Variants in PCED1B observed in about 807,000 individuals in gnomAD.
PCED1B encodes the protein PC-esterase domain containing 1B.
For synonymous variants in PCED1B, 251 were observed against 246.1 expected (o/e 1.02, Z -0.19); for missense variants, 573 against 573.9 (o/e 1.00, Z 0.02).
intron 1 of PCED1B, among the ~76,000 whole-genome samples, chr12:47,083,096 A>T (rs1937820391): frequency 6.6e-6 from 1 of 151,416 alleles, no homozygotes; most frequent in African/African-American, 2.4e-5. Context: ...AAATCACAGG[A>T]GTTCTAGCCC....
At chr12:47,146,519 C>T (rs1418054446) in intron 2 of PCED1B, among the ~76,000 whole-genome samples, 1 of 152,098 alleles carries the variant, frequency 6.6e-6, no homozygotes, top group African/African-American at 2.4e-5. Context: ...TCATTTTTGT[C>T]TTATTTTAAG....
At position 47,189,757 on chromosome 12, in the gene PCED1B, G is replaced by T. The variant is rs187888965; in HGVS notation, c.-525-26465G>T. On this transcript the variant is annotated intron_variant, in intron 2 of 3. Transcript: ENST00000546455. ...AACAATTAATAAACATGGACTAGGA[G>T]CCAAACTCTTGAAGCACAACTTTCG... Among the ~76,000 whole-genome samples the T allele has an allele frequency of 1.1e-4, 16 of 152,300 alleles. No homozygotes were observed. The East Asian group carries it at 2.1e-3, about 20-fold the overall frequency.
chr12:47,233,182 C>T (rs1364949629), intron 3 of PCED1B, among the ~76,000 whole-genome samples: 1 of 152,222 alleles, frequency 6.6e-6, no homozygotes, highest in Non-Finnish European at 1.5e-5. Flanking sequence ...GCTGGGTTTG[C>T]AGGCGTGAGC....
At chr12:47,206,530 G>A (rs1942916073) in intron 2 of PCED1B, 1 of 152,218 alleles carries the variant, frequency 6.6e-6, no homozygotes, top group African/African-American at 2.4e-5. Flanking sequence ...GTCAATGATT[G>A]GCACCAGGCT....
intron 2 of PCED1B, among the ~76,000 whole-genome samples, chr12:47,188,175 G>A (rs912532895): frequency 1.4e-4 from 22 of 152,132 alleles, no homozygotes; most frequent in African/African-American, 5.3e-4. Context: ...TGGGGACAGT[G>A]ATCTTGCCTT....
intron 2 of PCED1B, among the ~76,000 whole-genome samples, chr12:47,202,594 TAAAAAAAA>T (rs60769675): frequency 4.3e-4 from 29 of 66,680 alleles, no homozygotes; most frequent in South Asian, 3.8e-3. Context: ...TAGACATTAG[TAAAAAAAA>T]AAAAAAAAAA....
chr12:47,211,362 A>C (rs964856002), intron 2 of PCED1B, among the ~76,000 whole-genome samples: 4 of 152,122 alleles, frequency 2.6e-5, no homozygotes, highest in African/African-American at 9.7e-5. Flanking sequence ...TTGACAAAAC[A>C]ACCTTATGGC....
intron 3 of PCED1B, among the ~76,000 whole-genome samples, chr12:47,226,160 A>G (rs1336709250): frequency 6.6e-6 from 1 of 152,214 alleles, no homozygotes; most frequent in African/African-American, 2.4e-5. Context: ...AAAACATGGA[A>G]CTACTTATAA....
chr12:47,106,326 C>G (rs1938944937), intron 2 of PCED1B, among the ~76,000 whole-genome samples: 1 of 152,034 alleles, frequency 6.6e-6, no homozygotes, highest in Non-Finnish European at 1.5e-5. Context: ...TCACATTTCC[C>G]TTTACTGCAT....
chr12:47,130,161 AT>A (rs1469997172), intron 2 of PCED1B, among the ~76,000 whole-genome samples: 1 of 152,160 alleles, frequency 6.6e-6, no homozygotes, highest in East Asian at 1.9e-4. Context: ...TGTTTGGCTA[AT>A]TTTTTTAAGT....
At chr12:47,123,488 T>A (rs1202350012) in intron 2 of PCED1B, among the ~76,000 whole-genome samples, 3 of 152,102 alleles carry the variant, frequency 2.0e-5, no homozygotes, top group Admixed American at 6.5e-5. Flanking sequence ...TTTAAAAATT[T>A]GATATATGGT....
chr12:47,088,457 C>G (rs991677030), intron 1 of PCED1B, among the ~76,000 whole-genome samples: 1 of 152,154 alleles, frequency 6.6e-6, no homozygotes, highest in African/African-American at 2.4e-5. Context: ...CTCAAAACCC[C>G]TGGGGACTCG....
At chr12:47,117,869 G>C in intron 2 of PCED1B, among the ~76,000 whole-genome samples, 1 of 152,124 alleles carries the variant, frequency 6.6e-6, no homozygotes, top group Non-Finnish European at 1.5e-5. Flanking sequence ...GTTGTTTCCT[G>C]ACTTTTTAAT....
chr12:47,148,559 C>A (rs1262219279), intron 2 of PCED1B, among the ~76,000 whole-genome samples: 3 of 152,292 alleles, frequency 2.0e-5, no homozygotes, highest in Admixed American at 1.3e-4. Context: ...AACTCCCAGT[C>A]TTAATGGGGG....
chr12:47,131,521 G>T (rs925942671), intron 2 of PCED1B, among the ~76,000 whole-genome samples: 2 of 152,138 alleles, frequency 1.3e-5, no homozygotes, highest in Non-Finnish European at 2.9e-5. Flanking sequence ...AATTGTTCCA[G>T]ATAATTCTCA....
intron 3 of PCED1B, among the ~76,000 whole-genome samples, chr12:47,218,735 G>C (rs1943381726): frequency 6.7e-6 from 1 of 149,242 alleles, no homozygotes; most frequent in Non-Finnish European, 1.5e-5. Context: ...TGAACTCCTG[G>C]TCTCAAGCAA....
At chr12:47,108,089 C>A (rs1451475520) in intron 2 of PCED1B, among the ~76,000 whole-genome samples, 1 of 152,128 alleles carries the variant, frequency 6.6e-6, no homozygotes, top group East Asian at 1.9e-4. Context: ...AGCAACCAAG[C>A]TGGTGGGAAG....
chr12:47,101,177 T>C (rs572343082), intron 1 of PCED1B, among the ~76,000 whole-genome samples: 1 of 152,330 alleles, frequency 6.6e-6, no homozygotes, highest in East Asian at 1.9e-4. Flanking sequence ...TATTGTAATA[T>C]AATTACTTGT....
intron 2 of PCED1B, among the ~76,000 whole-genome samples, chr12:47,131,673 CT>C (rs760678015): frequency 1.4e-3 from 184 of 127,852 alleles, no homozygotes; most frequent in Non-Finnish European, 1.3e-3. Context: ...TGTTTTACTT[CT>C]TTTTTTTTTT....
Sources: gnomAD v4.1 joint callset for allele counts (sites outside exome capture counted in the v4.1 genomes callset) on GRCh38, gnomAD v4.1.1 for gene constraint, MANE v1.5 for transcripts, NCBI Gene and HGNC (gene_info 2026-07-23, HGNC 2026-07-21) for gene names.